CBLC: variants seen among roughly 807,000 people sequenced by gnomAD.
CBLC encodes the protein E3 ubiquitin-protein ligase CBL-C.
A neutral mutation model predicts 58.6 loss-of-function variants in CBLC; 46 were observed. The observed-to-expected ratio is 0.79, with a 90% CI of 0.62 to 1.00. The LOEUF is 1.00. Ranked by LOEUF, CBLC falls within the 50% of genes least tolerant of loss-of-function variation. The pLI is 0.00. For missense variants in CBLC, 655 were observed against 625.8 expected, an observed-to-expected ratio of 1.05 and a Z score of -0.50; for synonymous variants, 271 against 264.2, an observed-to-expected ratio of 1.03 and a Z score of -0.25.
intron 2 of CBLC, 54 bp from the exon 3 acceptor site, chr19:44,781,153 A>G (rs1412240071): frequency 1.9e-6 from 3 of 1,579,728 alleles, no homozygotes; most frequent in Non-Finnish European, 1.7e-6. Flanking sequence ...AGACCCTCCC[A>G]TCATAGGCTC....
chr19:44,778,133 G>A lies in CBLC; in HGVS notation c.202G>A (p.Gly68Ser). 6.3e-7 allele frequency: 1 copy of A among 1,594,732 alleles called. No individual in the cohort carries two copies. The highest frequency in any genetic ancestry group is 8.5e-7 in the Non-Finnish European group (1 of 1,174,046). ...VAHSRRAAGGGGPGGPGGSGD... is the reference protein window; with the variant it reads ...VAHSRRAAGGSGPGGPGGSGD... ...CCATTCTCGGCGGGCGGCCGGCGGAGGCGGCCCCGGGGGTCCCGGCGGCTC... is the reference window on the plus strand; with the variant it reads ...CCATTCTCGGCGGGCGGCCGGCGGAAGCGGCCCCGGGGGTCCCGGCGGCTC... Residue 68 changes from glycine (G) to serine (S), a missense_variant, in exon 1 of 11, where the codon GGC becomes AGC. By Grantham distance (56) the Gly-to-Ser change is moderately conservative. Transcript: ENST00000647358.
intron 5 of CBLC, 24 bp from the exon 6 acceptor site, chr19:44,789,980 T>C (rs759871281): frequency 2.7e-6 from 4 of 1,493,190 alleles, no homozygotes; most frequent in Non-Finnish European, 9.3e-7. Flanking sequence ...GGCCCCCCAG[T>C]CCCCCTCTCT....
rs757390586 is a variant in CBLC, at chr19:44,781,020, C to CA, written c.470dup (p.His157GlnfsTer18). 2 of 1,613,342 alleles carry CA rather than the reference C, an allele frequency of 1.2e-6. No homozygotes were observed. Among genetic ancestry groups the CA allele is most frequent in the Non-Finnish European group, 1.7e-6 (2 of 1,179,972 alleles). ...GTACCAGCTCACCAAGGCCCCCGCC[C>CA]ACACCTTCTGGAGGGAAAGTTGCGG... On this transcript the variant is annotated frameshift_variant, in exon 2 of 11. Coordinates refer to ENST00000647358, the MANE Select transcript of CBLC (RefSeq NM_012116.4). LOFTEE classifies it high-confidence loss of function.
intron 9 of CBLC, among the ~76,000 whole-genome samples, chr19:44,797,754 CA>C (rs113914212): frequency 0.15 from 21,316 of 139,178 alleles, 1,877 homozygotes; most frequent in African/African-American, 0.26. Context: ...GACTCCATCT[CA>C]AAAAAAAAAA....
intron 9 of CBLC, among the ~76,000 whole-genome samples, chr19:44,795,316 G>A (rs925714286): frequency 4.0e-5 from 6 of 151,856 alleles, no homozygotes; most frequent in African/African-American, 1.4e-4. Context: ...AGGCATTTGA[G>A]ACCAGCCTGG....
chr19:44,788,295 A>ATT (rs770311374), intron 5 of CBLC, among the ~76,000 whole-genome samples: 1 of 141,754 alleles, frequency 7.1e-6, no homozygotes. Context: ...AATTTTTTTA[A>ATT]TTTTTTTTTT....
At chr19:44,797,353 C>T (rs1310944159) in intron 9 of CBLC, among the ~76,000 whole-genome samples, 2 of 151,622 alleles carry the variant, frequency 1.3e-5, no homozygotes, top group Non-Finnish European at 2.9e-5. Context: ...CAGGTTCAAG[C>T]GATTCTCCTG....
At chr19:44,781,436 G>A in intron 3 of CBLC, 73 bp downstream of exon 3, 3 of 1,474,766 alleles carry the variant, frequency 2.0e-6, no homozygotes, top group Admixed American at 3.7e-5. Context: ...TGGATTCCTG[G>A]GTCTGAGGGA....
At chr19:44,787,016 T>C (rs1408876965) in intron 5 of CBLC, among the ~76,000 whole-genome samples, 3 of 151,006 alleles carry the variant, frequency 2.0e-5, no homozygotes, top group African/African-American at 4.9e-5. Context: ...ACCCGGGAGG[T>C]TGAGGCTGCA....
At chr19:44,785,312 G>T (rs1388485727) in intron 5 of CBLC, among the ~76,000 whole-genome samples, 1 of 151,670 alleles carries the variant, frequency 6.6e-6, no homozygotes, top group Non-Finnish European at 1.5e-5. Context: ...GTTTTGCCAT[G>T]CCAGGCTGGT....
chr19:44,788,400 C>A (rs1020068025), intron 5 of CBLC, among the ~76,000 whole-genome samples: 5 of 151,362 alleles, frequency 3.3e-5, no homozygotes, highest in Admixed American at 6.6e-5. Flanking sequence ...TGCTGGGATT[C>A]AGGCATGAGC....
At position 44,800,395 on chromosome 19, in the gene CBLC, G is replaced by A; in HGVS notation, c.1377G>A (p.Gly459=). 6.2e-7 allele frequency: 1 copy of A among 1,612,936 alleles called. No homozygotes were observed. Among genetic ancestry groups the A allele is most frequent in the Middle Eastern group, 1.7e-4 (1 of 6,050 alleles). Residue 459 remains glycine (G), a synonymous_variant, in exon 10 of 11, where the codon GGG becomes GGA. Transcript: ENST00000647358. ...NAQPKVRLLK[G]NSPPAALGPQ... Reference sequence around the variant, plus strand: ...CTCCATTGCAGAGACTCCTAAAGGGGAACTCCCCTCCAGCTGCGCTGGGAC... The same window carrying A: ...CTCCATTGCAGAGACTCCTAAAGGGAAACTCCCCTCCAGCTGCGCTGGGAC...
Position 44,784,963 on chromosome 19 carries a change from T to TTG in CBLC, c.917+563_917+564insGT, listed in dbSNP as rs1967855481. On this transcript the variant is annotated intron_variant, in intron 5 of 10. Coordinates refer to ENST00000647358, the MANE Select transcript of CBLC (RefSeq NM_012116.4). ...TGCTAGACAGGTGTTTTTTTTTTTTTTTTTTTTTTTTTTTTTTTTTTTTTT... is the reference window on the plus strand; with the variant it reads ...TGCTAGACAGGTGTTTTTTTTTTTTTTGTTTTTTTTTTTTTTTTTTTTTTTTT... Among the ~76,000 whole-genome samples, 4 of 107,668 alleles carry TTG rather than the reference T, an allele frequency of 3.7e-5. 1 individual carries two copies. Among genetic ancestry groups the TTG allele is most frequent in the South Asian group, 8.0e-4 (2 of 2,512 alleles). 70.6% of individuals were successfully genotyped at this position (107,668 alleles called of 152,430 possible).
chr19:44,797,111 C>T lies in CBLC; in HGVS notation c.1362+2830C>T, dbSNP rs939895321. Among the ~76,000 whole-genome samples, 4 of 152,158 alleles carry T rather than the reference C, an allele frequency of 2.6e-5. No individual in the cohort carries two copies. The South Asian group carries it at 6.2e-4, about 24-fold the overall frequency. ...CCTAGGCCATACCCTCCGCCTCCCC[C>T]ACCCTTTCCTCCTCTCCCCAAACCC... On this transcript the variant is annotated intron_variant, in intron 9 of 10. Transcript: ENST00000647358.
intron 9 of CBLC, among the ~76,000 whole-genome samples, chr19:44,795,784 G>C (rs185250143): frequency 5.5e-4 from 84 of 152,292 alleles, no homozygotes; most frequent in Admixed American, 7.2e-4. Context: ...TGCAGGTCAG[G>C]CCTTTGTTGT....
At chr19:44,796,503 G>C (rs1411657766) in intron 9 of CBLC, among the ~76,000 whole-genome samples, 1 of 151,970 alleles carries the variant, frequency 6.6e-6, no homozygotes, top group Non-Finnish European at 1.5e-5. Context: ...TCCTGCCTCA[G>C]CCTCCTGAGT....
intron 5 of CBLC, 70 bp downstream of exon 5, chr19:44,784,471 C>G: frequency 7.0e-7 from 1 of 1,435,818 alleles, no homozygotes; most frequent in Non-Finnish European, 9.4e-7. Flanking sequence ...ATGTTGTGCA[C>G]TGCCGGTGGC....
At chr19:44,786,982 G>A (rs1599864782) in intron 5 of CBLC, among the ~76,000 whole-genome samples, 1 of 152,192 alleles carries the variant, frequency 6.6e-6, no homozygotes, top group African/African-American at 2.4e-5. Context: ...AGCTACTCAG[G>A]AGGCTGAGAC....
intron 5 of CBLC, among the ~76,000 whole-genome samples, chr19:44,787,310 C>T (rs908856593): frequency 9.2e-5 from 14 of 152,050 alleles, no homozygotes; most frequent in Non-Finnish European, 1.5e-4. Flanking sequence ...AGGAGAATGG[C>T]GTGAACTCGG....
Sources: allele counts gnomAD v4.1 joint callset (sites outside exome capture counted in the v4.1 genomes callset), GRCh38; gene constraint gnomAD v4.1.1; transcripts MANE v1.5; gene names NCBI Gene and HGNC (gene_info 2026-07-23, HGNC 2026-07-21).